SNTB1: variants seen among roughly 807,000 people sequenced by gnomAD.
The protein encoded by SNTB1 is beta-1-syntrophin.
Under a neutral mutation model 48.9 loss-of-function variants are expected in SNTB1, and 36 were observed. The ratio of observed to expected loss-of-function variants is 0.74; its 90% confidence interval spans 0.56 to 0.97. The LOEUF (loss-of-function observed/expected upper bound fraction) is 0.97, where lower values mean the gene tolerates loss of function less well. Among genes scored for constraint, SNTB1 ranks in the 50% least tolerant of loss-of-function variants. The probability of loss-of-function intolerance (pLI) is 0.00; values close to 1 mark genes in which losing one functional copy is unlikely to be tolerated. For synonymous variants in SNTB1, 299 were observed against 294.6 expected (o/e 1.01, Z -0.15); for missense variants, 786 against 703.4 (o/e 1.12, Z -1.33).
intron 2 of SNTB1, among the ~76,000 whole-genome samples, chr8:120,671,260 C>T (rs1027932835): frequency 2.0e-5 from 3 of 152,154 alleles, no homozygotes; most frequent in Non-Finnish European, 4.4e-5. Context: ...TGAATAGTGT[C>T]CTCTCAAAGT....
At chr8:120,572,744 A>AAAACAAAC (rs71306896) in intron 4 of SNTB1, among the ~76,000 whole-genome samples, 35,741 of 151,022 alleles carry the variant, frequency 0.24, 5,357 homozygotes, top group Non-Finnish European at 0.34. Flanking sequence ...CAAAACGAAC[A>AAAACAAAC]AAACAAACAA....
intron 1 of SNTB1, among the ~76,000 whole-genome samples, chr8:120,780,075 T>A (rs1490082139): frequency 7.8e-6 from 1 of 128,184 alleles, no homozygotes; most frequent in African/African-American, 2.9e-5. Flanking sequence ...TAAGGAATGA[T>A]GATCTAGTTA....
chr8:120,617,930 A>T (rs1816740648), intron 3 of SNTB1, among the ~76,000 whole-genome samples: 1 of 152,242 alleles, frequency 6.6e-6, no homozygotes, highest in Non-Finnish European at 1.5e-5. Flanking sequence ...AAACGAGTGA[A>T]GGTACAACTG....
At chr8:120,784,088 G>C (rs781481445) in intron 1 of SNTB1, among the ~76,000 whole-genome samples, 12 of 152,020 alleles carry the variant, frequency 7.9e-5, no homozygotes, top group Non-Finnish European at 1.8e-4. Flanking sequence ...CCACCTCCTG[G>C]GTTCAAGCAA....
chr8:120,544,572 G>A (rs148274208), intron 5 of SNTB1, among the ~76,000 whole-genome samples: 97 of 152,196 alleles, frequency 6.4e-4, no homozygotes, highest in African/African-American at 1.8e-3. Context: ...TCAATAGCTC[G>A]TGTTTTCTTG....
rs1818261664 is a variant in SNTB1 at position 120,699,132 on chromosome 8, T to C, written c.572-5224A>G. Reference sequence around the variant, plus strand: ...TGGTGTGCTGTCTAATGATCCAATATGGCTGCTGAGTTCCAGCCATCACAA... The same window carrying C: ...TGGTGTGCTGTCTAATGATCCAATACGGCTGCTGAGTTCCAGCCATCACAA... On this transcript the variant is annotated intron_variant, in intron 1 of 6. Transcript: ENST00000517992. Among the ~76,000 whole-genome samples, 4 of 152,212 alleles carry C rather than the reference T, an allele frequency of 2.6e-5. No homozygotes were observed. The South Asian group carries it at 8.3e-4, about 32-fold the overall frequency.
At chr8:120,755,329 A>G (rs1462132377) in intron 1 of SNTB1, among the ~76,000 whole-genome samples, 1 of 152,134 alleles carries the variant, frequency 6.6e-6, no homozygotes, top group Non-Finnish European at 1.5e-5. Flanking sequence ...GGCAATAGCT[A>G]TCAGAACAAT....
chr8:120,659,165 T>C (rs566273886), intron 2 of SNTB1, among the ~76,000 whole-genome samples: 49 of 152,276 alleles, frequency 3.2e-4, no homozygotes, highest in African/African-American at 1.1e-3. Flanking sequence ...GGTTTCACCA[T>C]GTTGGGCAGG....
rs1815235755 is a variant in SNTB1 at position 120,538,660 on chromosome 8, T to C, written c.*217A>G. The C allele has an allele frequency of 1.6e-6, 1 of 621,662 alleles. No individual in the cohort carries two copies. Among genetic ancestry groups the C allele is most frequent in the Non-Finnish European group, 3.0e-6 (1 of 332,258 alleles). 38.5% of individuals were successfully genotyped at this position (621,662 alleles called of 1,614,324 possible). ...TTTAACCTTGTACTGTTCTAGAAAG[T>C]TTTACTCTGATATTTCTCATGGTAC... is the stretch of plus-strand genomic sequence containing the variant. On this transcript the variant is annotated 3_prime_UTR_variant, in exon 7 of 7. Transcript: ENST00000517992.
intron 4 of SNTB1, 121 bp from the exon 5 acceptor site, chr8:120,549,079 G>A: frequency 1.3e-6 from 1 of 745,208 alleles, no homozygotes; most frequent in Non-Finnish European, 2.1e-6. Flanking sequence ...GAATCAAAGG[G>A]CTCCACTATA....
intron 1 of SNTB1, among the ~76,000 whole-genome samples, chr8:120,754,601 A>G (rs1587135926): frequency 6.6e-6 from 1 of 152,192 alleles, no homozygotes; most frequent in Non-Finnish European, 1.5e-5. Flanking sequence ...TCAGAGGGTG[A>G]TTCTGAAGAT....
chr8:120,541,212 G>C (rs1229813951), intron 6 of SNTB1: 1 of 152,224 alleles, frequency 6.6e-6, no homozygotes, highest in African/African-American at 2.4e-5. Context: ...CTTGCATTGA[G>C]ACGAGACGTA....
rs374996097 is a variant in SNTB1 at position 120,812,043 on chromosome 8, G to T, written c.-200C>A. On this transcript the variant is annotated 5_prime_UTR_variant, in exon 1 of 7. Transcript: ENST00000517992. The stretch of plus-strand genomic sequence containing the variant: ...GCTGCACTCAGGCTGGTTCCCCCTC[G>T]CCTGATCCTGACCGGGGTGGAGCAA... 62 of 1,252,836 alleles carry T rather than the reference G, an allele frequency of 4.9e-5. 1 individual carries two copies. In the East Asian group the frequency reaches 2.0e-3, roughly 40 times the overall value. The allele number at this position is 1,252,836 out of a possible 1,614,324, so 77.6% of individuals were successfully genotyped here.
intron 3 of SNTB1, among the ~76,000 whole-genome samples, chr8:120,622,079 T>G (rs1174721931): frequency 6.6e-6 from 1 of 152,138 alleles, no homozygotes; most frequent in African/African-American, 2.4e-5. Flanking sequence ...TAGAACTAAA[T>G]AAGAAGCAGC....
chr8:120,721,664 G>C (rs963840508), intron 1 of SNTB1, among the ~76,000 whole-genome samples: 2 of 151,752 alleles, frequency 1.3e-5, no homozygotes, highest in Non-Finnish European at 2.9e-5. Flanking sequence ...GTTTTATATA[G>C]GTTTCCTTAG....
At chr8:120,670,977 A>G (rs1817748075) in intron 2 of SNTB1, among the ~76,000 whole-genome samples, 1 of 152,230 alleles carries the variant, frequency 6.6e-6, no homozygotes, top group African/African-American at 2.4e-5. Context: ...GTCTGACCTC[A>G]AGTCCACTGG....
intron 1 of SNTB1, among the ~76,000 whole-genome samples, chr8:120,720,516 G>T (rs1241041083): frequency 2.0e-5 from 3 of 152,132 alleles, no homozygotes; most frequent in African/African-American, 7.2e-5. Flanking sequence ...TTCAATTACT[G>T]GCTCAAGTGG....
chr8:120,579,779 G>A (rs1188763622), intron 3 of SNTB1, among the ~76,000 whole-genome samples: 1 of 152,172 alleles, frequency 6.6e-6, no homozygotes, highest in Non-Finnish European at 1.5e-5. Context: ...TGCCTTTTTT[G>A]TGGGTTCTTC....
chr8:120,679,723 C>A (rs1220789196), intron 2 of SNTB1, among the ~76,000 whole-genome samples: 1 of 152,182 alleles, frequency 6.6e-6, no homozygotes, highest in African/African-American at 2.4e-5. Flanking sequence ...CTAGTCTTGC[C>A]TCCTATTGAT....
Sources: allele counts gnomAD v4.1 joint callset (sites outside exome capture counted in the v4.1 genomes callset), GRCh38; gene constraint gnomAD v4.1.1; transcripts MANE v1.5; gene names NCBI Gene and HGNC (gene_info 2026-07-23, HGNC 2026-07-21).